The following SYN3 variants were observed in gnomAD, a reference collection of about 807,000 sequenced individuals.
SYN3 encodes the protein synapsin-3.
SYN3 carries 35 observed loss-of-function variants against 65.8 expected under a neutral mutation model. The observed-to-expected ratio is 0.53, with a 90% CI of 0.41 to 0.70. The LOEUF (loss-of-function observed/expected upper bound fraction) is 0.70, where lower values mean the gene tolerates loss of function less well. Among genes scored for constraint, SYN3 ranks in the 30% least tolerant of loss-of-function variants. The probability of loss-of-function intolerance (pLI) is 0.00; values close to 1 mark genes in which losing one functional copy is unlikely to be tolerated. For synonymous variants in SYN3, 270 were observed against 292.9 expected (o/e 0.92, Z 0.80); for missense variants, 680 against 749.0 (o/e 0.91, Z 1.08).
intron 6 of SYN3, among the ~76,000 whole-genome samples, chr22:32,820,291 G>A (rs981398271): frequency 4.0e-5 from 6 of 150,958 alleles, no homozygotes; most frequent in African/African-American, 1.5e-4. Flanking sequence ...TGTGTGTGGT[G>A]TGTGTGGTGT....
chr22:33,005,871 A>G (rs1288483488), intron 2 of SYN3, among the ~76,000 whole-genome samples: 2 of 152,202 alleles, frequency 1.3e-5, no homozygotes. Flanking sequence ...GACGTATTTC[A>G]GATATTAAAA....
chr22:32,845,773 T>C (rs2048043864), intron 6 of SYN3, among the ~76,000 whole-genome samples: 1 of 152,194 alleles, frequency 6.6e-6, no homozygotes, highest in African/African-American at 2.4e-5. Flanking sequence ...TGGCTAGACA[T>C]GCTGCCAGTT....
chr22:32,917,544 G>T (rs1320326408), intron 4 of SYN3, among the ~76,000 whole-genome samples: 2 of 152,206 alleles, frequency 1.3e-5, no homozygotes, highest in Non-Finnish European at 2.9e-5. Flanking sequence ...TCCCACAGTG[G>T]CATATGTCAG....
rs999728557 is a variant in SYN3 at position 33,000,646 on chromosome 22, A to G, written c.311+5706T>C. Reference sequence around the variant, plus strand: ...GAAGGGTAGAAAAGGGGGCAGCATCATCGTCCCCGTTGGGGTTGGGGTGGG... The same window carrying G: ...GAAGGGTAGAAAAGGGGGCAGCATCGTCGTCCCCGTTGGGGTTGGGGTGGG... On this transcript the variant is annotated intron_variant, in intron 2 of 13. Transcript: ENST00000358763. 5.3e-5 allele frequency among the ~76,000 whole-genome samples: 8 copies of G among 152,192 alleles called. No individual in the cohort carries two copies. In the South Asian group the frequency reaches 1.7e-3, roughly 31 times the overall value.
chr22:32,982,782 T>G (rs1185758128), intron 2 of SYN3, among the ~76,000 whole-genome samples: 1 of 152,218 alleles, frequency 6.6e-6, no homozygotes, highest in Non-Finnish European at 1.5e-5. Context: ...AAAAAACACT[T>G]GTTGAGTATC....
intron 6 of SYN3, among the ~76,000 whole-genome samples, chr22:32,760,744 G>A (rs1008789995): frequency 8.5e-5 from 13 of 152,216 alleles, no homozygotes; most frequent in African/African-American, 2.9e-4. Flanking sequence ...GAGAGAAGAT[G>A]AGGAAAATGT....
intron 7 of SYN3, among the ~76,000 whole-genome samples, chr22:32,589,280 T>C (rs1291309924): frequency 2.0e-5 from 3 of 152,222 alleles, no homozygotes; most frequent in South Asian, 2.1e-4. Context: ...TATTGAGCAA[T>C]TCCTTCCAAT....
chr22:32,588,275 C>T (rs913151794), intron 7 of SYN3, among the ~76,000 whole-genome samples: 18 of 152,112 alleles, frequency 1.2e-4, no homozygotes, highest in South Asian at 4.1e-4. Context: ...CTCTCTGGGC[C>T]GCAAGTTCTT....
chr22:32,838,264 G>T (rs904081244), intron 6 of SYN3, among the ~76,000 whole-genome samples: 2 of 152,150 alleles, frequency 1.3e-5, no homozygotes, highest in South Asian at 2.1e-4. Context: ...AGGAGGGGGG[G>T]TGGCAAAATA....
rs556042825 is a variant in SYN3, at chr22:32,636,433, A to G, written c.712-39697T>C. ...AAAAAAAAAAAGAAAAGAAAAGAAA[A>G]TCAAAACCATTTTGCTGGAACTGCT... On this transcript the variant is annotated intron_variant, in intron 6 of 13. Coordinates refer to ENST00000358763, the MANE Select transcript of SYN3 (RefSeq NM_003490.4). 6.6e-3 allele frequency among the ~76,000 whole-genome samples: 1,008 copies of G among 151,766 alleles called. 7 individuals are homozygous for G. The highest frequency in any genetic ancestry group is 0.011 in the Non-Finnish European group (775 of 67,854).
At chr22:32,701,722 C>A (rs1330652390) in intron 6 of SYN3, among the ~76,000 whole-genome samples, 3 of 152,094 alleles carry the variant, frequency 2.0e-5, no homozygotes, top group Admixed American at 2.0e-4. Context: ...ATAGAATCTA[C>A]CCAATATAAA....
chr22:32,915,262 A>G (rs1387170558), intron 4 of SYN3, among the ~76,000 whole-genome samples: 1 of 152,210 alleles, frequency 6.6e-6, no homozygotes, highest in Non-Finnish European at 1.5e-5. Flanking sequence ...CCCAGAACTT[A>G]AAGTATAATA....
intron 6 of SYN3, among the ~76,000 whole-genome samples, chr22:32,765,251 C>T (rs57741279): frequency 0.011 from 1,608 of 152,136 alleles, 35 homozygotes; most frequent in African/African-American, 0.037. Context: ...CTTCAAGGAG[C>T]AGCAGCTGTG....
intron 6 of SYN3, among the ~76,000 whole-genome samples, chr22:32,815,183 A>G (rs1320882372): frequency 6.6e-6 from 1 of 152,236 alleles, no homozygotes; most frequent in Non-Finnish European, 1.5e-5. Context: ...TGAACTGTGC[A>G]CAGGGATATG....
intron 6 of SYN3, among the ~76,000 whole-genome samples, chr22:32,649,857 A>G (rs950361880): frequency 3.3e-5 from 5 of 152,196 alleles, no homozygotes; most frequent in African/African-American, 1.2e-4. Flanking sequence ...GTTTAGGACA[A>G]ATAATGACTT....
chr22:32,795,450 G>A (rs905754842), intron 6 of SYN3, among the ~76,000 whole-genome samples: 4 of 152,210 alleles, frequency 2.6e-5, no homozygotes, highest in African/African-American at 9.6e-5. Context: ...AGGGGACTGA[G>A]GGGAAAAGAC....
At chr22:32,575,364 G>A (rs1052394878) in intron 7 of SYN3, among the ~76,000 whole-genome samples, 1 of 152,120 alleles carries the variant, frequency 6.6e-6, no homozygotes, top group Non-Finnish European at 1.5e-5. Flanking sequence ...ATTGAGATGC[G>A]GTGGCAAGAA....
At chr22:32,695,605 G>T (rs991159305) in intron 6 of SYN3, among the ~76,000 whole-genome samples, 3 of 152,166 alleles carry the variant, frequency 2.0e-5, no homozygotes, top group Non-Finnish European at 4.4e-5. Context: ...CCTCTGACTG[G>T]CCATTTAATG....
At chr22:32,882,716 ATT>A (rs34826132) in intron 4 of SYN3, among the ~76,000 whole-genome samples, 8,429 of 147,532 alleles carry the variant, frequency 0.057, 256 homozygotes, top group Middle Eastern at 0.1. Context: ...ATAGTTCAGA[ATT>A]TTTTTTTTTT....
Sources: gnomAD v4.1 joint callset for allele counts (sites outside exome capture counted in the v4.1 genomes callset) on GRCh38, gnomAD v4.1.1 for gene constraint, MANE v1.5 for transcripts, NCBI Gene and HGNC (gene_info 2026-07-23, HGNC 2026-07-21) for gene names.